The following OR9K2 variants were observed in gnomAD, a reference collection of about 807,000 sequenced individuals.
OR9K2 encodes the protein olfactory receptor family 9 subfamily K member 2.
OR9K2 carries 16 observed loss-of-function variants against 12.4 expected under a neutral mutation model. That is an observed-to-expected ratio of 1.29 (90% confidence interval 0.87 to 1.95). The LOEUF (loss-of-function observed/expected upper bound fraction) is 1.95, where lower values mean the gene tolerates loss of function less well. OR9K2 is among the 30% of genes most tolerant of loss of function. OR9K2 has a pLI of 0.00. For missense variants in OR9K2, 434 were observed against 376.5 expected (o/e 1.15, Z -1.26); for synonymous variants, 133 against 133.2 (o/e 1.00, Z 0.01).
chr12:55,127,471 G>T (rs547888011), intron 2 of OR9K2, among the ~76,000 whole-genome samples: 1 of 151,978 alleles, frequency 6.6e-6, no homozygotes, highest in South Asian at 2.1e-4. Flanking sequence ...GACCCTAAGT[G>T]CAATCTAATG....
rs1215162924 is a variant in OR9K2, at chr12:55,130,094, ACTT to A, written c.263_265del (p.Phe88del). 1.9e-6 allele frequency: 3 copies of A among 1,613,176 alleles called. No homozygotes were observed. Among genetic ancestry groups the A allele is most frequent in the Non-Finnish European group, 2.5e-6 (3 of 1,179,968 alleles). ...GTTATTGAACCCAAGGCTATGATCA[ACTT>A]CTGGTCTGAAAACAAGTCTATCTCC... On this transcript the variant is annotated inframe_deletion, in exon 3 of 3. Coordinates refer to ENST00000641329, the MANE Select transcript of OR9K2 (RefSeq NM_001005243.2).
intron 1 of OR9K2, 52 bp downstream of exon 1, chr12:55,126,568 G>T (rs537660642): frequency 9.2e-5 from 14 of 152,072 alleles, no homozygotes; most frequent in African/African-American, 3.4e-4. Context: ...TTCAGTTTTG[G>T]CAGAACATGA....
chr12:55,129,241 C>A (rs1953450141), intron 2 of OR9K2, among the ~76,000 whole-genome samples: 1 of 151,918 alleles, frequency 6.6e-6, no homozygotes, highest in African/African-American at 2.4e-5. Context: ...TTGCACACAC[C>A]TTTTATCTTA....
In OR9K2 at chr12:55,130,259, G is replaced by A. The variant is rs751330501; in HGVS notation, c.425G>A (p.Arg142His). The change falls in exon 3 of 3, where the codon CGT becomes CAT. Residue 142 changes from arginine to histidine, a missense_variant. Physicochemically the swap from Arg to His is conservative, Grantham distance 29 (BLOSUM62 0). Coordinates refer to ENST00000641329, the MANE Select transcript of OR9K2 (RefSeq NM_001005243.2). Reference sequence around the variant, plus strand: ...CTCTACTCTGTTCAAATGTCCACACGTCTGTGTACTCAGTTGGTGGCTGGT... The same window carrying A: ...CTCTACTCTGTTCAAATGTCCACACATCTGTGTACTCAGTTGGTGGCTGGT... Reference protein sequence around the residue: ...PLLYSVQMSTRLCTQLVAGSY... With the variant: ...PLLYSVQMSTHLCTQLVAGSY... The A allele has an allele frequency of 1.4e-4, 221 of 1,613,866 alleles. No homozygotes were observed. Among genetic ancestry groups the A allele is most frequent in the South Asian group, 6.7e-4 (61 of 91,076 alleles).
At position 55,129,824 on chromosome 12, in the gene OR9K2, AG is replaced by A. The variant is rs771118902; in HGVS notation, c.-9del. 3.7e-6 allele frequency: 6 copies of A among 1,613,174 alleles called. No homozygotes were observed. The highest frequency in any genetic ancestry group is 5.1e-6 in the Non-Finnish European group (6 of 1,179,196). The stretch of plus-strand genomic sequence containing the variant: ...TATATTTTGCCCTGTGCCTCTCAAC[AG>A]GTTTCTACCATGGGTGACAGGGGAA... On this transcript the variant is annotated splice_acceptor_variant, in intron 2 of 2. Coordinates refer to ENST00000641329, the MANE Select transcript of OR9K2 (RefSeq NM_001005243.2). LOFTEE classifies it low-confidence loss of function (5UTR_SPLICE).
At position 55,130,548 on chromosome 12, in the gene OR9K2, G is replaced by A; in HGVS notation, c.714G>A (p.Lys238=). ...VLKIHSTEGH[K]KAFSTCSSHL... ...AGATACATTCTACTGAGGGACATAA[G>A]AAGGCCTTCTCCACCTGCAGCTCTC... is the stretch of plus-strand genomic sequence containing the variant. The change falls in exon 3 of 3, where the codon AAG becomes AAA. Residue 238 remains lysine (K), a synonymous_variant. Coordinates refer to ENST00000641329, the MANE Select transcript of OR9K2 (RefSeq NM_001005243.2). 2.5e-6 allele frequency: 4 copies of A among 1,613,766 alleles called. No homozygotes were observed. The highest frequency in any genetic ancestry group is 3.4e-6 in the Non-Finnish European group (4 of 1,179,776).
rs1242580426 is a variant in OR9K2, at chr12:55,126,822, T to C, written c.-93-6T>C. ...CATTAATTAACTTTATGTTTATCCT[T>C]TCTAGAATTAAAACAATAAACAGAG... is the stretch of plus-strand genomic sequence containing the variant. On this transcript the variant is annotated splice_polypyrimidine_tract_variant and splice_region_variant and intron_variant, in intron 1 of 2. Transcript: ENST00000641329. 1 of 152,084 alleles carries C rather than the reference T, an allele frequency of 6.6e-6. No individual in the cohort carries two copies. The highest frequency in any genetic ancestry group is 1.5e-5 in the Non-Finnish European group (1 of 67,970). The allele number at this position is 152,084 out of a possible 1,614,324, so 9.4% of individuals were successfully genotyped here. A position where few individuals can be genotyped will look rare whatever the true frequency, so the allele number is the denominator to read the frequency against.
chr12:55,128,050 T>G (rs1008060631), intron 2 of OR9K2, among the ~76,000 whole-genome samples: 4 of 151,986 alleles, frequency 2.6e-5, no homozygotes, highest in African/African-American at 7.2e-5. Flanking sequence ...ATTGGATGGA[T>G]AGTTTTTATA....
Position 55,130,186 on chromosome 12 carries a change from CT to C in OR9K2, c.353del (p.Leu118ArgfsTer48). ...ALLIVTEGFL[L>X]AAMAYDRFIA... Reference sequence around the variant, plus strand: ...CCTCATTGTGACTGAGGGATTTCTCCTGGCGGCCATGGCTTATGACCGCTTT... The same window carrying C: ...CCTCATTGTGACTGAGGGATTTCTCCGGCGGCCATGGCTTATGACCGCTTT... On this transcript the variant is annotated frameshift_variant, in exon 3 of 3. Transcript: ENST00000641329. LOFTEE classifies it high-confidence loss of function. 6.2e-7 allele frequency: 1 copy of C among 1,614,092 alleles called. No individual in the cohort carries two copies.
rs1953461951 is a variant in OR9K2 at position 55,130,254 on chromosome 12, C to T, written c.420C>T (p.Ser140=). The T allele has an allele frequency of 6.2e-7, 1 of 1,614,030 alleles. No homozygotes were observed. The highest frequency in any genetic ancestry group is 1.1e-5 in the South Asian group (1 of 91,072). ...CTCTGCTCTACTCTGTTCAAATGTC[C>T]ACACGTCTGTGTACTCAGTTGGTGG... ...CNPLLYSVQM[S]TRLCTQLVAG... is the part of the protein sequence containing the mutation. The change falls in exon 3 of 3, where the codon TCC becomes TCT. Residue 140 remains serine (S), a synonymous_variant. Transcript: ENST00000641329.
At chr12:55,129,321 G>GT (rs368123875) in intron 2 of OR9K2, among the ~76,000 whole-genome samples, 143 of 147,502 alleles carry the variant, frequency 9.7e-4, no homozygotes, top group East Asian at 2.0e-3. Context: ...TCTCAAGTAG[G>GT]TTTTTTTTTT....
At position 55,129,957 on chromosome 12, in the gene OR9K2, C is replaced by A. The variant is rs769834976; in HGVS notation, c.123C>A (p.Ile41=). Residue 41 remains isoleucine (I), a synonymous_variant, in exon 3 of 3, where the codon ATC becomes ATA. Coordinates refer to ENST00000641329, the MANE Select transcript of OR9K2 (RefSeq NM_001005243.2). ...FLLFLFVYAM[I]LLGNVGMMTI... ...TATTTTTGTTTGTTTATGCCATGAT[C>A]CTTCTAGGGAATGTTGGGATGATGA... 1 of 1,613,974 alleles carries A rather than the reference C, an allele frequency of 6.2e-7. No homozygotes were observed. The highest frequency in any genetic ancestry group is 8.5e-7 in the Non-Finnish European group (1 of 1,179,898).
chr12:55,132,543 A>G lies in OR9K2; in HGVS notation c.*1767A>G, dbSNP rs966579885. On this transcript the variant is annotated 3_prime_UTR_variant, in exon 3 of 3. Transcript: ENST00000641329. ...CAAGCTAAGGAAAGAGGGCTCAGAGAAAACCAACTCTGCTGACACCTTGAT... is the reference window on the plus strand; with the variant it reads ...CAAGCTAAGGAAAGAGGGCTCAGAGGAAACCAACTCTGCTGACACCTTGAT... 1 of 152,282 alleles carries G rather than the reference A, an allele frequency of 6.6e-6. No homozygotes were observed. Among genetic ancestry groups the G allele is most frequent in the Non-Finnish European group, 1.5e-5 (1 of 68,080 alleles). The allele number at this position is 152,282 out of a possible 1,614,324, so 9.4% of individuals were successfully genotyped here.
rs1436267704 is a variant in OR9K2 at position 55,132,273 on chromosome 12, G to C, written c.*1497G>C. ...AAAGGAAATAAAAGTGTTATGGGTT[G>C]AATGGTATTCCCTCAAAATTCATGT... On this transcript the variant is annotated 3_prime_UTR_variant, in exon 3 of 3. Coordinates refer to ENST00000641329, the MANE Select transcript of OR9K2 (RefSeq NM_001005243.2). 1 of 152,190 alleles carries C rather than the reference G, an allele frequency of 6.6e-6. No homozygotes were observed. The highest frequency in any genetic ancestry group is 2.4e-5 in the African/African-American group (1 of 41,448). 9.4% of individuals were successfully genotyped at this position (152,190 alleles called of 1,614,324 possible).
chr12:55,129,781 A>T (rs760800671), intron 2 of OR9K2, 45 bp from the exon 3 acceptor site: 1 of 1,600,216 alleles, frequency 6.2e-7, no homozygotes, highest in South Asian at 1.1e-5. Flanking sequence ...GCTAGGATCC[A>T]AACCAAGAGT....
Position 55,131,373 on chromosome 12 carries a change from G to A in OR9K2, c.*597G>A, listed in dbSNP as rs1331854590. ...TGTGGAGTGCTCTAAGGTACTGCTA[G>A]TTGCTGAATCCCAGTGCAAAGAACT... On this transcript the variant is annotated 3_prime_UTR_variant, in exon 3 of 3. Transcript: ENST00000641329. 1 of 152,162 alleles carries A rather than the reference G, an allele frequency of 6.6e-6. No individual in the cohort carries two copies. The highest frequency in any genetic ancestry group is 2.1e-4 in the South Asian group (1 of 4,830). The allele number at this position is 152,162 out of a possible 1,614,324, so 9.4% of individuals were successfully genotyped here.
rs1953469550 is a variant in OR9K2 at position 55,131,018 on chromosome 12, C to G, written c.*242C>G. ...GATAAACCCTCTCACTGGTCTTCAA[C>G]ATTTTATTTCACAGAATTTATATCT... is the stretch of plus-strand genomic sequence containing the variant. On this transcript the variant is annotated 3_prime_UTR_variant, in exon 3 of 3. Transcript: ENST00000641329. The G allele has an allele frequency of 3.1e-6, 1 of 327,360 alleles. No homozygotes were observed. The highest frequency in any genetic ancestry group is 5.2e-5 in the South Asian group (1 of 19,374). The allele number at this position is 327,360 out of a possible 1,614,324, so 20.3% of individuals were successfully genotyped here.
chr12:55,129,046 A>C (rs1049017952), intron 2 of OR9K2, among the ~76,000 whole-genome samples: 4 of 152,178 alleles, frequency 2.6e-5, no homozygotes, highest in Admixed American at 6.6e-5. Context: ...TGATCTGTAC[A>C]GCAAAACCCC....
Position 55,130,441 on chromosome 12 carries a change from T to G in OR9K2, c.607T>G (p.Phe203Val). The change falls in exon 3 of 3, where the codon TTT becomes GTT. Residue 203 changes from phenylalanine to valine, a missense_variant. Physicochemically the swap from Phe to Val is conservative, Grantham distance 50. Transcript: ENST00000641329. ...SDLFIHRMISFSLSCIIILPT... is the reference protein window; with the variant it reads ...SDLFIHRMISVSLSCIIILPT... ...TCTCTTTATCCATAGAATGATATCT[T>G]TTTCCTTATCATGTATTATTATCTT... 6.2e-7 allele frequency: 1 copy of G among 1,613,692 alleles called. No homozygotes were observed. Among genetic ancestry groups the G allele is most frequent in the Non-Finnish European group, 8.5e-7 (1 of 1,179,728 alleles).
Sources: gnomAD v4.1 joint callset for allele counts (sites outside exome capture counted in the v4.1 genomes callset) on GRCh38, gnomAD v4.1.1 for gene constraint, MANE v1.5 for transcripts, NCBI Gene and HGNC (gene_info 2026-07-23, HGNC 2026-07-21) for gene names.